SACS: variants seen among roughly 807,000 people sequenced by gnomAD.
SACS encodes sacsin.
A neutral mutation model predicts 348.0 loss-of-function variants in SACS; 197 were observed. The ratio of observed to expected loss-of-function variants is 0.57; its 90% confidence interval spans 0.50 to 0.64. The LOEUF (loss-of-function observed/expected upper bound fraction) is 0.64, where lower values mean the gene tolerates loss of function less well. Among genes scored for constraint, SACS ranks in the 30% least tolerant of loss-of-function variants. The pLI is 0.00. For missense variants in SACS, 4,999 were observed against 5,360.8 expected, an observed-to-expected ratio of 0.93 and a Z score of 2.11; for synonymous variants, 1,985 against 1,910.6, an observed-to-expected ratio of 1.04 and a Z score of -1.02.
chr13:23,375,371 GGCAGGCGCCCCTAGCGCCCGCCCCTGAC>G, intron 2 of SACS, 102 bp from the exon 3 acceptor site: 2 of 1,258,186 alleles, frequency 1.6e-6, no homozygotes, highest in South Asian at 3.2e-5. Flanking sequence ...ATCGCGGCGC[GGCAGGCGCCCCTAGCGCCCGCCCCTGAC>G]GCCGGCGCCC....
chr13:23,334,753 T>G lies in SACS; in HGVS notation c.9123A>C (p.Ala3041=). The change falls in exon 10 of 10, where the codon GCA becomes GCC. Residue 3041 remains alanine, a synonymous_variant. Transcript: ENST00000382292. ...LQDELQHLKN[A]DYNITTRKTV... Reference sequence around the variant, plus strand: ...TTTTGCGTGTGGTGATATTATAATCTGCATTTTTAAGGTGTTGTAATTCAT... The same window carrying G: ...TTTTGCGTGTGGTGATATTATAATCGGCATTTTTAAGGTGTTGTAATTCAT... 1 of 1,613,818 alleles carries G rather than the reference T, an allele frequency of 6.2e-7. No individual in the cohort carries two copies. Among genetic ancestry groups the G allele is most frequent in the Non-Finnish European group, 8.5e-7 (1 of 1,179,788 alleles).
chr13:23,426,553 T>C lies in SACS; in HGVS notation c.-502+7062A>G, dbSNP rs181413192. Among the ~76,000 whole-genome samples the C allele has an allele frequency of 6.5e-4, 99 of 151,270 alleles. 1 individual carries two copies. The highest frequency in any genetic ancestry group is 6.4e-3 in the Admixed American group (97 of 15,132). On this transcript the variant is annotated intron_variant, in intron 1 of 9. Coordinates refer to ENST00000382292, the MANE Select transcript of SACS (RefSeq NM_014363.6). ...TACTCGGGAGGCTGAGATGGAAGAA[T>C]TGCTTGAACTCGGGAGGTGGAGGTT...
chr13:23,355,433 C>G lies in SACS; in HGVS notation c.1179G>C (p.Leu393Phe), dbSNP rs1243267153. The G allele has an allele frequency of 1.9e-6, 3 of 1,614,126 alleles. No homozygotes were observed. The highest frequency in any genetic ancestry group is 1.3e-5 in the African/African-American group (1 of 75,028). The change falls in exon 8 of 10, where the codon TTG becomes TTC. Residue 393 changes from leucine to phenylalanine, a missense_variant. By Grantham distance (22) the Leu-to-Phe change is conservative. Transcript: ENST00000382292. Reference protein sequence around the residue: ...STKDAQKTSWLVCNSVGGRGI... With the variant: ...STKDAQKTSWFVCNSVGGRGI... The stretch of plus-strand genomic sequence containing the variant: ...CTCGCCCACCCACACTGTTACACAC[C>G]AACCAAGATGTTTTCTGTGCATCCT...
At position 23,375,417 on chromosome 13, in the gene SACS, G is replaced by A. The variant is rs972340323; in HGVS notation, c.21-148C>T. 1,047 of 1,222,680 alleles carry A rather than the reference G, an allele frequency of 8.6e-4. 1 individual carries two copies. The highest frequency in any genetic ancestry group is 1.0e-3 in the Non-Finnish European group (993 of 983,558). The allele number at this position is 1,222,680 out of a possible 1,614,324, so 75.7% of individuals were successfully genotyped here. ...CCCCTGACGCCGGCGCCCGATCACG[G>A]CCGGCCCTACCGCGTCCACAGGCCC... is the stretch of plus-strand genomic sequence containing the variant. On this transcript the variant is annotated intron_variant, in intron 2 of 9. Transcript: ENST00000382292.
At chr13:23,393,337 C>T (rs1872599686) in intron 2 of SACS, among the ~76,000 whole-genome samples, 1 of 152,190 alleles carries the variant, frequency 6.6e-6, no homozygotes, top group South Asian at 2.1e-4. Context: ...ACTCCTGAAA[C>T]CTAGGACAGG....
In SACS at chr13:23,338,553, C is replaced by G; in HGVS notation, c.5323G>C (p.Ala1775Pro). Reference protein sequence around the residue: ...EEFHHVFRRIADLQSPLFRGP... With the variant: ...EEFHHVFRRIPDLQSPLFRGP... ...CTAAAAAGTGGCGACTGTAAATCAG[C>G]AATCCTTCTGAACACATGGTGAAAT... The change falls in exon 10 of 10, where the codon GCT becomes CCT. Residue 1775 changes from alanine to proline, a missense_variant. Coordinates refer to ENST00000382292, the MANE Select transcript of SACS (RefSeq NM_014363.6). 2 of 1,614,108 alleles carry G rather than the reference C, an allele frequency of 1.2e-6. No homozygotes were observed. The highest frequency in any genetic ancestry group is 1.7e-6 in the Non-Finnish European group (2 of 1,179,984).
At chr13:23,408,052 G>A (rs555537275) in intron 2 of SACS, among the ~76,000 whole-genome samples, 59 of 152,212 alleles carry the variant, frequency 3.9e-4, no homozygotes, top group African/African-American at 1.3e-3. Flanking sequence ...TGTTGCAATC[G>A]TCTTGATGCC....
intron 2 of SACS, among the ~76,000 whole-genome samples, chr13:23,389,317 T>A (rs1156641880): frequency 6.6e-6 from 1 of 152,182 alleles, no homozygotes; most frequent in Non-Finnish European, 1.5e-5. Context: ...GCCCAATACT[T>A]ATTAATGCAA....
At chr13:23,430,673 A>G (rs78410369) in intron 1 of SACS, among the ~76,000 whole-genome samples, 21 of 152,360 alleles carry the variant, frequency 1.4e-4, no homozygotes, top group East Asian at 1.3e-3. Context: ...ATGATCACCA[A>G]TAATTATATT....
chr13:23,411,062 CA>C (rs1429939582), intron 2 of SACS, among the ~76,000 whole-genome samples, 157 bp downstream of exon 2: 1 of 152,208 alleles, frequency 6.6e-6, no homozygotes, highest in Non-Finnish European at 1.5e-5. Context: ...TGAAAAATTA[CA>C]TATACAATTT....
intron 5 of SACS, 151 bp downstream of exon 5, chr13:23,368,251 C>T (rs1283661990): frequency 6.5e-6 from 4 of 619,512 alleles, no homozygotes; most frequent in African/African-American, 3.7e-5. Context: ...GAGCTATACA[C>T]TGCTATACAC....
chr13:23,353,594 C>A, intron 9 of SACS, 191 bp downstream of exon 9: 1 of 554,664 alleles, frequency 1.8e-6, no homozygotes, highest in Non-Finnish European at 3.2e-6. Flanking sequence ...CACTTATCAC[C>A]TCTGGATTCT....
rs1158963786 is a variant in SACS, at chr13:23,375,132, C to T, written c.158G>A (p.Arg53His). Residue 53 changes from arginine (R) to histidine (H), a missense_variant, in exon 3 of 10, where the codon CGC (arginine) becomes CAC (histidine). Arg to His is a conservative substitution (Grantham distance 29). Transcript: ENST00000382292. ...GFPVSEQRLW[R>H]GGRELSDWIK... The stretch of plus-strand genomic sequence containing the variant: ...GCCACCGCCTACCTCGCGGCCGCCG[C>T]GCCACAGCCGCTGCTCCGACACCGG... 5.3e-6 allele frequency: 8 copies of T among 1,498,772 alleles called. No individual in the cohort carries two copies. 92.8% of individuals were successfully genotyped at this position (1,498,772 alleles called of 1,614,324 possible). A position where few individuals can be genotyped will look rare whatever the true frequency, so the allele number is the denominator to read the frequency against.
intron 2 of SACS, chr13:23,375,680 C>G (rs887661954): frequency 1.6e-5 from 9 of 549,464 alleles, no homozygotes; most frequent in Non-Finnish European, 1.9e-5. Context: ...CAGGGAACGC[C>G]CATCCAGGCC....
chr13:23,340,574 T>A lies in SACS; in HGVS notation c.3302A>T (p.Lys1101Met). 1.9e-6 allele frequency: 3 copies of A among 1,613,714 alleles called. No homozygotes were observed. The East Asian group carries it at 6.7e-5, about 36-fold the overall frequency. The change falls in exon 10 of 10, where the codon AAG (lysine) becomes ATG (methionine). Residue 1101 changes from lysine to methionine, a missense_variant. By Grantham distance (95) the Lys-to-Met change is moderately conservative (BLOSUM62 -1). Around this residue, in one of 6 missense-constraint regions of SACS, gnomAD observed 3,156 missense variants for 3,380.1 expected, o/e 0.93. Coordinates refer to ENST00000382292, the MANE Select transcript of SACS (RefSeq NM_014363.6). ...TTTTTTTGCCACTTGCACAACATCCTTTTCTTTGAGACTGGCTTCGTTTTT... is the reference window on the plus strand; with the variant it reads ...TTTTTTTGCCACTTGCACAACATCCATTTCTTTGAGACTGGCTTCGTTTTT... ...GLKNEASLKEKDVVQVAKKIE... is the reference protein window; with the variant it reads ...GLKNEASLKEMDVVQVAKKIE...
At position 23,335,857 on chromosome 13, in the gene SACS, A is replaced by C. The variant is rs776681717; in HGVS notation, c.8019T>G (p.Asp2673Glu). The part of the protein sequence containing the change: ...PGRMFRDLDA[D>E]FRTQFSDVLD... ...GAACATCTGAGAACTGTGTCCTAAA[A>C]TCTGCATCCAAATCTCTAAACATGC... The change falls in exon 10 of 10, where the codon GAT becomes GAG. Residue 2673 changes from aspartate (D) to glutamate (E), a missense_variant. This residue lies in a region of SACS where 3,156 missense variants were observed against 3,380.1 expected (regional missense o/e 0.93). Transcript: ENST00000382292. This position sits in a 1 kb window ranked among gnomAD's most constrained non-coding sequence, Gnocchi z 4.7. The C allele has an allele frequency of 6.2e-7, 1 of 1,613,988 alleles. No homozygotes were observed. Among genetic ancestry groups the C allele is most frequent in the East Asian group, 2.2e-5 (1 of 44,880 alleles).
In SACS at chr13:23,333,117, T is replaced by G; in HGVS notation, c.10759A>C (p.Arg3587=). ...AGTATGTATTTTAGTCCAATATTTCTTAAGAATTCCACCCAGGATGTCATA... is the reference window on the plus strand; with the variant it reads ...AGTATGTATTTTAGTCCAATATTTCGTAAGAATTCCACCCAGGATGTCATA... ...TFMTSWVEFL[R]NIGLKYILSQ... Residue 3587 remains arginine, a synonymous_variant, in exon 10 of 10, where the codon AGA becomes CGA. Transcript: ENST00000382292. 6.2e-7 allele frequency: 1 copy of G among 1,613,720 alleles called. No individual in the cohort carries two copies. Among genetic ancestry groups the G allele is most frequent in the Non-Finnish European group, 8.5e-7 (1 of 1,179,762 alleles).
At chr13:23,417,446 G>T (rs142048881) in intron 1 of SACS, among the ~76,000 whole-genome samples, 1 of 152,214 alleles carries the variant, frequency 6.6e-6, no homozygotes, top group Non-Finnish European at 1.5e-5. Context: ...CAATCAAAGA[G>T]AGTAAAAGGC....
intron 9 of SACS, among the ~76,000 whole-genome samples, chr13:23,352,351 C>T (rs1282564034): frequency 6.6e-6 from 1 of 152,222 alleles, no homozygotes; most frequent in African/African-American, 2.4e-5. Flanking sequence ...AGAATATATG[C>T]CACATGGCTC....
Sources: allele counts gnomAD v4.1 joint callset (sites outside exome capture counted in the v4.1 genomes callset), GRCh38; gene constraint gnomAD v4.1.1; regional missense constraint gnomAD v4.1.1; non-coding constraint Gnocchi (gnomAD v3.1); transcripts MANE v1.5; gene names NCBI Gene and HGNC (gene_info 2026-07-23, HGNC 2026-07-21).